The following WWOX variants were observed in gnomAD, a reference collection of about 807,000 sequenced individuals.
WWOX encodes WW domain-containing oxidoreductase.
In WWOX, 69 loss-of-function variants were observed where a neutral mutation model predicts 46.2. The ratio of observed to expected loss-of-function variants is 1.49; its 90% CI spans 1.23 to 1.82. The LOEUF is 1.82. Among genes scored for constraint, WWOX ranks in the 40% most tolerant of loss-of-function variants. The pLI is 0.00. For missense variants in WWOX, 919 were observed against 542.6 expected (o/e 1.69, Z -6.89); for synonymous variants, 359 against 202.6 (o/e 1.77, Z -6.56).
At chr16:78,172,308 G>T (rs867095961) in intron 5 of WWOX, among the ~76,000 whole-genome samples, 2 of 152,108 alleles carry the variant, frequency 1.3e-5, no homozygotes, top group Non-Finnish European at 2.9e-5. Flanking sequence ...CTTCCTTTTC[G>T]AGTAGTATAT....
At chr16:78,815,716 G>T (rs538351854) in intron 8 of WWOX, among the ~76,000 whole-genome samples, 2 of 152,288 alleles carry the variant, frequency 1.3e-5, no homozygotes, top group South Asian at 2.1e-4. Context: ...AATCTGAAAA[G>T]GAGCAAAAGA....
At chr16:79,126,440 G>C (rs1460222682) in intron 8 of WWOX, among the ~76,000 whole-genome samples, 1 of 152,152 alleles carries the variant, frequency 6.6e-6, no homozygotes, top group African/African-American at 2.4e-5. Flanking sequence ...TCTCATGCTA[G>C]TGAGTGAGTT....
chr16:78,978,915 G>A (rs927714984), intron 8 of WWOX, among the ~76,000 whole-genome samples: 4 of 151,954 alleles, frequency 2.6e-5, no homozygotes, highest in African/African-American at 7.3e-5. Context: ...TATCACCAGC[G>A]CTTGTTATTT....
intron 8 of WWOX, among the ~76,000 whole-genome samples, chr16:78,736,445 C>A (rs747220968): frequency 6.6e-6 from 1 of 152,176 alleles, no homozygotes; most frequent in East Asian, 1.9e-4. Context: ...TCTGCTTCTT[C>A]CCAAAGTCAC....
chr16:78,195,764 G>A (rs890672299), intron 5 of WWOX, among the ~76,000 whole-genome samples: 11 of 146,772 alleles, frequency 7.5e-5, no homozygotes, highest in African/African-American at 2.3e-4. Context: ...AGAGGTTGGC[G>A]TGAGCTGAGA....
chr16:79,098,281 G>A (rs1418978709), intron 8 of WWOX, among the ~76,000 whole-genome samples: 1 of 152,192 alleles, frequency 6.6e-6, no homozygotes, highest in African/African-American at 2.4e-5. Flanking sequence ...CTTTTATTTA[G>A]TAGAGGAGGA....
intron 4 of WWOX, among the ~76,000 whole-genome samples, chr16:78,130,303 T>C (rs964675846): frequency 2.6e-5 from 4 of 152,128 alleles, no homozygotes; most frequent in African/African-American, 9.7e-5. Context: ...GAGAAGAGGA[T>C]AGAAAGGTAG....
At chr16:78,101,847 G>C (rs1307374330) in intron 1 of WWOX, among the ~76,000 whole-genome samples, 1 of 152,200 alleles carries the variant, frequency 6.6e-6, no homozygotes. Flanking sequence ...ATAAGAGCCA[G>C]TTGTCATCCT....
intron 8 of WWOX, among the ~76,000 whole-genome samples, chr16:79,018,754 C>T (rs569110790): frequency 2.0e-5 from 3 of 152,254 alleles, no homozygotes; most frequent in South Asian, 4.2e-4. Flanking sequence ...TTCCTATTTT[C>T]GGCAAGTGGT....
intron 6 of WWOX, among the ~76,000 whole-genome samples, chr16:78,420,683 C>A: frequency 6.9e-6 from 1 of 144,152 alleles, no homozygotes; most frequent in African/African-American, 2.7e-5. Flanking sequence ...TAAAAAAGTG[C>A]TATAAAATTA....
chr16:78,777,206 T>C (rs1239607990), intron 8 of WWOX, among the ~76,000 whole-genome samples: 2 of 151,892 alleles, frequency 1.3e-5, no homozygotes, highest in Non-Finnish European at 2.9e-5. Flanking sequence ...GAGGCTGTAT[T>C]TTTTTTCCCA....
At chr16:78,930,990 C>G (rs1239030783) in intron 8 of WWOX, among the ~76,000 whole-genome samples, 1 of 152,132 alleles carries the variant, frequency 6.6e-6, no homozygotes, top group African/African-American at 2.4e-5. Context: ...TTTCCTCATC[C>G]ATAAGATGGG....
At chr16:78,921,712 T>G (rs2045383927) in intron 8 of WWOX, among the ~76,000 whole-genome samples, 1 of 151,900 alleles carries the variant, frequency 6.6e-6, no homozygotes, top group South Asian at 2.1e-4. Context: ...GTAAGCAGAG[T>G]GTGTGTCTAA....
At chr16:78,205,246 A>G (rs1218716584) in intron 5 of WWOX, among the ~76,000 whole-genome samples, 1 of 152,196 alleles carries the variant, frequency 6.6e-6, no homozygotes, top group Non-Finnish European at 1.5e-5. Flanking sequence ...AGTTGCAAGT[A>G]GAATTATTAC....
intron 8 of WWOX, among the ~76,000 whole-genome samples, chr16:78,722,698 G>GTTTTTTTTTTT (rs56266240): frequency 8.6e-6 from 1 of 116,310 alleles, no homozygotes; most frequent in African/African-American, 3.2e-5. Flanking sequence ...GTTTGTCTCT[G>GTTTTTTTTTTT]TTTTTTTTTT....
At chr16:78,692,680 C>G (rs1471010663) in intron 8 of WWOX, among the ~76,000 whole-genome samples, 1 of 152,162 alleles carries the variant, frequency 6.6e-6, no homozygotes, top group African/African-American at 2.4e-5. Flanking sequence ...CAGTGGAGTC[C>G]CATAAATAGG....
At chr16:78,760,062 C>G (rs556074993) in intron 8 of WWOX, among the ~76,000 whole-genome samples, 3 of 152,154 alleles carry the variant, frequency 2.0e-5, no homozygotes, top group South Asian at 4.2e-4. Context: ...AAAGACATAC[C>G]CAAAACTGGG....
At chr16:79,158,594 A>T (rs1207906851) in intron 8 of WWOX, among the ~76,000 whole-genome samples, 2 of 152,198 alleles carry the variant, frequency 1.3e-5, no homozygotes, top group Non-Finnish European at 2.9e-5. Context: ...CAATTCCTTG[A>T]ACACACCAAG....
chr16:78,371,854 T>C (rs2081698077), intron 5 of WWOX, among the ~76,000 whole-genome samples: 1 of 152,240 alleles, frequency 6.6e-6, no homozygotes, highest in Non-Finnish European at 1.5e-5. Flanking sequence ...TCATGTGTGT[T>C]AGGTAGGCAA....
Sources: gnomAD v4.1 joint callset for allele counts (sites outside exome capture counted in the v4.1 genomes callset) on GRCh38, gnomAD v4.1.1 for gene constraint, MANE v1.5 for transcripts, NCBI Gene and HGNC (gene_info 2026-07-23, HGNC 2026-07-21) for gene names.